The following RPS6KA5 variants were observed in gnomAD, a reference collection of about 807,000 sequenced individuals.
RPS6KA5 encodes ribosomal protein S6 kinase A5, also known as ribosomal protein S6 kinase alpha-5.
In RPS6KA5, 27 loss-of-function variants were observed where a neutral mutation model predicts 85.5. The observed-to-expected ratio is 0.32, with a 90% CI of 0.23 to 0.44. RPS6KA5 has a LOEUF of 0.44. Ranked by LOEUF, RPS6KA5 falls within the 20% of genes least tolerant of loss-of-function variation. The pLI is 1.00. For synonymous variants in RPS6KA5, 334 were observed against 348.2 expected, an observed-to-expected ratio of 0.96 and a Z score of 0.46; for missense variants, 811 against 980.9, an observed-to-expected ratio of 0.83 and a Z score of 2.31.
chr14:91,013,744 C>CCAG (rs1167140228), intron 1 of RPS6KA5, among the ~76,000 whole-genome samples: 1 of 152,040 alleles, frequency 6.6e-6, no homozygotes, highest in Non-Finnish European at 1.5e-5. Context: ...CTTAGAAAGA[C>CCAG]CAGCAGCAGC....
intron 4 of RPS6KA5, among the ~76,000 whole-genome samples, 198 bp from the exon 5 acceptor site, chr14:90,943,383 C>A (rs1376174353): frequency 6.6e-6 from 1 of 151,968 alleles, no homozygotes; most frequent in African/African-American, 2.4e-5. Context: ...TCTCCAACCA[C>A]GTCTTTGTTC....
chr14:91,034,160 C>T (rs1487474319), intron 1 of RPS6KA5, among the ~76,000 whole-genome samples: 3 of 151,956 alleles, frequency 2.0e-5, no homozygotes, highest in Non-Finnish European at 4.4e-5. Flanking sequence ...AAAAAATTTG[C>T]TGGGCATGGT....
At chr14:90,961,602 A>C (rs2038801274) in intron 3 of RPS6KA5, among the ~76,000 whole-genome samples, 1 of 152,016 alleles carries the variant, frequency 6.6e-6, no homozygotes, top group Non-Finnish European at 1.5e-5. Flanking sequence ...TTTCCAGTTA[A>C]ATTTTGGAGG....
intron 1 of RPS6KA5, among the ~76,000 whole-genome samples, chr14:91,019,690 G>A (rs1018427619): frequency 2.0e-5 from 3 of 152,018 alleles, no homozygotes; most frequent in Admixed American, 6.6e-5. Flanking sequence ...CAGTAGAAAC[G>A]GTACTTCTCT....
chr14:90,947,494 CTG>C lies in RPS6KA5; in HGVS notation c.449_450del (p.Thr150ArgfsTer3). The C allele has an allele frequency of 6.2e-7, 1 of 1,612,954 alleles. No homozygotes were observed. The highest frequency in any genetic ancestry group is 8.5e-7 in the Non-Finnish European group (1 of 1,179,026). ...CCAACATAAATCTGCACCTCATGCTCTGTGAAACGCTCTCTTTGAGAAAGATG... is the reference window on the plus strand; with the variant it reads ...CCAACATAAATCTGCACCTCATGCTCTGAAACGCTCTCTTTGAGAAAGATG... ...FTHLSQRERF[T>X]EHEVQIYVGE... On this transcript the variant is annotated frameshift_variant, in exon 4 of 17. Coordinates refer to ENST00000614987, the MANE Select transcript of RPS6KA5 (RefSeq NM_004755.4). LOFTEE classifies it high-confidence loss of function.
chr14:91,025,346 C>T (rs2041951243), intron 1 of RPS6KA5, among the ~76,000 whole-genome samples: 1 of 152,144 alleles, frequency 6.6e-6, no homozygotes, highest in South Asian at 2.1e-4. Flanking sequence ...GCCCAGTCTC[C>T]TTTTTTTCAT....
intron 2 of RPS6KA5, among the ~76,000 whole-genome samples, chr14:90,983,787 T>TTCTCTCTCTCTC (rs770148887): frequency 2.0e-3 from 261 of 129,378 alleles, no homozygotes; most frequent in Non-Finnish European, 3.3e-3. Flanking sequence ...CTTTCTTTCT[T>TTCTCTCTCTCTC]TCTCTCTCTC....
rs144434563 is a variant in RPS6KA5 at position 90,895,498 on chromosome 14, A to G, written c.1474-915T>C. The stretch of plus-strand genomic sequence containing the variant: ...GGGTTTTTGCTTTAATCCCAACAAT[A>G]TTATCTTAATAGTTACTTTGTAAGT... On this transcript the variant is annotated intron_variant, in intron 12 of 16. Transcript: ENST00000614987. Among the ~76,000 whole-genome samples, 844 of 152,298 alleles carry G rather than the reference A, an allele frequency of 5.5e-3. 5 individuals carry two copies. The highest frequency in any genetic ancestry group is 9.1e-3 in the Non-Finnish European group (620 of 68,026).
At chr14:90,896,586 C>G (rs1311030659) in intron 12 of RPS6KA5, among the ~76,000 whole-genome samples, 1 of 152,078 alleles carries the variant, frequency 6.6e-6, no homozygotes, top group Non-Finnish European at 1.5e-5. Flanking sequence ...ACCCTGGAGG[C>G]AAGATCTTAG....
In RPS6KA5 at chr14:90,932,734, T is replaced by C. The variant is rs181468237; in HGVS notation, c.619-9538A>G. Among the ~76,000 whole-genome samples the C allele has an allele frequency of 6.6e-3, 1,005 of 152,326 alleles. 6 individuals are homozygous for C. The highest frequency in any genetic ancestry group is 9.9e-3 in the Non-Finnish European group (675 of 68,020). On this transcript the variant is annotated intron_variant, in intron 5 of 16. Coordinates refer to ENST00000614987, the MANE Select transcript of RPS6KA5 (RefSeq NM_004755.4). ...TGCTACTCGTTAAGCACTAGTAGCA[T>C]GATCACGCACAAACTCACTTGTGCG...
chr14:90,930,858 A>G (rs1177787278), intron 5 of RPS6KA5, among the ~76,000 whole-genome samples: 1 of 152,208 alleles, frequency 6.6e-6, no homozygotes, highest in Non-Finnish European at 1.5e-5. Context: ...TCATTAGGAC[A>G]GCCACTATAA....
chr14:91,014,466 C>T (rs1475068254), intron 1 of RPS6KA5, among the ~76,000 whole-genome samples: 1 of 148,142 alleles, frequency 6.8e-6, no homozygotes, highest in Non-Finnish European at 1.5e-5. Context: ...CACACCACTG[C>T]ACTCCAGCCT....
intron 1 of RPS6KA5, among the ~76,000 whole-genome samples, chr14:91,024,414 G>A (rs2041911824): frequency 1.3e-5 from 2 of 152,038 alleles, no homozygotes; most frequent in South Asian, 2.1e-4. Flanking sequence ...GTTGGATTTG[G>A]AGGAATATTT....
chr14:90,966,970 A>G (rs974560655), intron 3 of RPS6KA5, among the ~76,000 whole-genome samples: 4 of 152,218 alleles, frequency 2.6e-5, no homozygotes, highest in African/African-American at 9.6e-5. Context: ...AAGTCTTCAG[A>G]CTTATTCTGT....
chr14:90,989,569 A>G (rs1209043308), intron 2 of RPS6KA5, among the ~76,000 whole-genome samples: 3 of 152,226 alleles, frequency 2.0e-5, no homozygotes, highest in African/African-American at 7.2e-5. Context: ...AATTACTGAT[A>G]ATGCACACCC....
chr14:90,906,341 CAA>C (rs60178849), intron 7 of RPS6KA5, 42 bp from the exon 8 acceptor site: 45,080 of 1,106,854 alleles, frequency 0.041, 398 homozygotes, highest in South Asian at 0.16. Context: ...AACAGGATGA[CAA>C]AAAAAAAAAA....
chr14:91,051,701 C>T (rs1007396813), intron 1 of RPS6KA5, among the ~76,000 whole-genome samples: 2 of 151,978 alleles, frequency 1.3e-5, no homozygotes, highest in African/African-American at 4.8e-5. Flanking sequence ...GTTGGCCAGG[C>T]TGGTCTCGAA....
chr14:90,906,101 T>A, intron 8 of RPS6KA5, 48 bp downstream of exon 8: 1 of 1,509,920 alleles, frequency 6.6e-7, no homozygotes, highest in Non-Finnish European at 9.0e-7. Context: ...CCAAGGACCC[T>A]GAAAACGGCA....
In RPS6KA5 at chr14:90,859,169, A is replaced by G. The variant is rs1005653103; in HGVS notation, c.*12905T>C. ...TGCTAGGAGTAAGAGCAAAACTGAA[A>G]TGTACAAGCCCAACAAAGTCTAAAA... is the stretch of plus-strand genomic sequence containing the variant. On this transcript the variant is annotated 3_prime_UTR_variant, in exon 17 of 17. Coordinates refer to ENST00000614987, the MANE Select transcript of RPS6KA5 (RefSeq NM_004755.4). 2.0e-5 allele frequency: 3 copies of G among 152,250 alleles called. No homozygotes were observed. In the East Asian group the frequency reaches 5.8e-4, roughly 29 times the overall value. The allele number at this position is 152,250 out of a possible 1,614,324, so 9.4% of individuals were successfully genotyped here.
Sources: gnomAD v4.1 joint callset for allele counts (sites outside exome capture counted in the v4.1 genomes callset) on GRCh38, gnomAD v4.1.1 for gene constraint, MANE v1.5 for transcripts, NCBI Gene and HGNC (gene_info 2026-07-23, HGNC 2026-07-21) for gene names.